CNTN5: variants seen among roughly 807,000 people sequenced by gnomAD.
CNTN5 encodes contactin 5.
Under a neutral mutation model 129.1 loss-of-function variants are expected in CNTN5, and 77 were observed. That is an observed-to-expected ratio of 0.60 (90% confidence interval 0.50 to 0.72). CNTN5 has a LOEUF of 0.72. Ranked by LOEUF, CNTN5 falls within the 30% of genes least tolerant of loss-of-function variation. The pLI is 0.00. For missense variants in CNTN5, 1,478 were observed against 1,328.8 expected (o/e 1.11, Z -1.75); for synonymous variants, 509 against 465.6 (o/e 1.09, Z -1.20).
chr11:100,292,908 A>G (rs1951022040), intron 18 of CNTN5, among the ~76,000 whole-genome samples: 1 of 151,938 alleles, frequency 6.6e-6, no homozygotes, highest in African/African-American at 2.4e-5. Flanking sequence ...CTTAAGTTGT[A>G]CATTACCTTC....
At chr11:99,999,398 A>C (rs186925229) in intron 8 of CNTN5, among the ~76,000 whole-genome samples, 74 of 152,368 alleles carry the variant, frequency 4.9e-4, no homozygotes, top group Non-Finnish European at 9.6e-4. Flanking sequence ...CAAAGGACAC[A>C]TGCAAAAATG....
chr11:99,253,012 A>G (rs1466331028), intron 1 of CNTN5, among the ~76,000 whole-genome samples: 2 of 149,212 alleles, frequency 1.3e-5, no homozygotes, highest in Admixed American at 6.7e-5. Context: ...GTTCCCTTAT[A>G]TATATTTCAT....
chr11:99,644,863 T>G (rs1172615057), intron 3 of CNTN5, among the ~76,000 whole-genome samples: 1 of 152,110 alleles, frequency 6.6e-6, no homozygotes, highest in African/African-American at 2.4e-5. Context: ...CTTTTAACAA[T>G]AAATACAGCT....
At chr11:99,298,880 C>T (rs927238137) in intron 1 of CNTN5, among the ~76,000 whole-genome samples, 2 of 152,088 alleles carry the variant, frequency 1.3e-5, no homozygotes, top group African/African-American at 2.4e-5. Flanking sequence ...CAACCAGAGA[C>T]ATTCCAACCC....
chr11:99,843,841 A>T (rs1947593860), intron 4 of CNTN5, among the ~76,000 whole-genome samples: 1 of 152,162 alleles, frequency 6.6e-6, no homozygotes. Context: ...CAAATTCATG[A>T]TCAATGAAAA....
intron 2 of CNTN5, among the ~76,000 whole-genome samples, chr11:99,361,598 C>T (rs979791780): frequency 6.6e-6 from 1 of 152,072 alleles, no homozygotes; most frequent in African/African-American, 2.4e-5. Flanking sequence ...CAGACTTTTT[C>T]ATCATTCCAA....
intron 16 of CNTN5, among the ~76,000 whole-genome samples, chr11:100,228,097 C>A (rs142596335): frequency 6.6e-6 from 1 of 152,258 alleles, no homozygotes; most frequent in Admixed American, 6.5e-5. Context: ...GGAGTGATAG[C>A]ACTATCTTTC....
chr11:99,959,056 A>T (rs558379764), intron 8 of CNTN5, among the ~76,000 whole-genome samples: 1 of 152,184 alleles, frequency 6.6e-6, no homozygotes, highest in African/African-American at 2.4e-5. Context: ...ACATTTCATG[A>T]ATAATCATTC....
chr11:99,142,754 C>T (rs1859583437), intron 1 of CNTN5, among the ~76,000 whole-genome samples: 1 of 152,118 alleles, frequency 6.6e-6, no homozygotes, highest in Non-Finnish European at 1.5e-5. Context: ...CCTCTGGCTT[C>T]TACACAGGCT....
At chr11:100,335,400 C>G (rs1368377523) in intron 21 of CNTN5, among the ~76,000 whole-genome samples, 3 of 152,126 alleles carry the variant, frequency 2.0e-5, no homozygotes, top group African/African-American at 7.2e-5. Flanking sequence ...ACCAGAAAAT[C>G]AAATACACTA....
At chr11:100,063,590 T>C (rs1192265734) in intron 10 of CNTN5, among the ~76,000 whole-genome samples, 3 of 151,488 alleles carry the variant, frequency 2.0e-5, no homozygotes, top group Non-Finnish European at 4.4e-5. Context: ...TGCTGCCCTA[T>C]GACAATTATG....
chr11:99,421,248 A>G lies in CNTN5; in HGVS notation c.-71+95764A>G, dbSNP rs984698642. Among the ~76,000 whole-genome samples the G allele has an allele frequency of 3.3e-5, 5 of 151,926 alleles. No individual in the cohort carries two copies. The South Asian group carries it at 1.0e-3, about 31-fold the overall frequency. ...GACAACATACCTCAGATTCCTTTAC[A>G]GAGTTTATGGTATTGTGGAAGAGAG... On this transcript the variant is annotated intron_variant, in intron 2 of 24. Transcript: ENST00000524871.
At chr11:99,377,920 T>G (rs1452296561) in intron 2 of CNTN5, among the ~76,000 whole-genome samples, 3 of 152,128 alleles carry the variant, frequency 2.0e-5, no homozygotes, top group Non-Finnish European at 4.4e-5. Context: ...AAGTCCCATT[T>G]CCTCATTTGG....
intron 22 of CNTN5, 111 bp from the exon 23 acceptor site, chr11:100,340,982 A>G (rs1952146219): frequency 1.3e-6 from 1 of 799,896 alleles, no homozygotes; most frequent in East Asian, 2.6e-5. Flanking sequence ...GGAAGCCTAG[A>G]TTGCCAGCCA....
At chr11:99,089,357 A>G (rs1002286317) in intron 1 of CNTN5, among the ~76,000 whole-genome samples, 8 of 152,234 alleles carry the variant, frequency 5.3e-5, no homozygotes, top group Admixed American at 2.0e-4. Flanking sequence ...AGATAATCAT[A>G]TATAACTATA....
chr11:99,531,429 T>C (rs1180427389), intron 2 of CNTN5, among the ~76,000 whole-genome samples: 1 of 152,054 alleles, frequency 6.6e-6, no homozygotes, highest in Non-Finnish European at 1.5e-5. Flanking sequence ...CAATAGAAAA[T>C]AAAAACCCAT....
chr11:99,146,066 G>A (rs929215788), intron 1 of CNTN5, among the ~76,000 whole-genome samples: 8 of 151,902 alleles, frequency 5.3e-5, no homozygotes, highest in African/African-American at 1.9e-4. Flanking sequence ...AGATCCATGT[G>A]CATATTAAAT....
intron 16 of CNTN5, among the ~76,000 whole-genome samples, chr11:100,236,776 C>T (rs1053875938): frequency 6.6e-6 from 1 of 152,134 alleles, no homozygotes; most frequent in African/African-American, 2.4e-5. Flanking sequence ...CTGCTCCTTT[C>T]CCTATAGTTT....
chr11:99,181,563 C>G (rs1489512126), intron 1 of CNTN5, among the ~76,000 whole-genome samples: 1 of 152,178 alleles, frequency 6.6e-6, no homozygotes, highest in African/African-American at 2.4e-5. Context: ...GCAACGGTGG[C>G]TACCCAGTTG....
Sources: allele counts gnomAD v4.1 joint callset (sites outside exome capture counted in the v4.1 genomes callset), GRCh38; gene constraint gnomAD v4.1.1; transcripts MANE v1.5; gene names NCBI Gene and HGNC (gene_info 2026-07-23, HGNC 2026-07-21).